The following TTC13 variants were observed in gnomAD, a reference collection of about 807,000 sequenced individuals.
The protein encoded by TTC13 is tetratricopeptide repeat domain 13, also known as tetratricopeptide repeat protein 13.
In TTC13, 62 loss-of-function variants were observed where a neutral mutation model predicts 120.0. The ratio of observed to expected loss-of-function variants is 0.52; its 90% CI spans 0.42 to 0.64. TTC13 has a LOEUF of 0.64. Among genes scored for constraint, TTC13 ranks in the 30% least tolerant of loss-of-function variants. The pLI is 0.00. For synonymous variants in TTC13, 384 were observed against 393.5 expected (o/e 0.98, Z 0.28); for missense variants, 824 against 1,050.2 (o/e 0.78, Z 2.98).
intron 2 of TTC13, among the ~76,000 whole-genome samples, chr1:230,958,674 CA>C (rs1364884425): frequency 2.0e-5 from 3 of 152,182 alleles, no homozygotes; most frequent in Admixed American, 6.5e-5. Flanking sequence ...TTCACAGATG[CA>C]AAAGATTTTT....
chr1:230,970,291 G>A (rs1269247767), intron 1 of TTC13, among the ~76,000 whole-genome samples: 1 of 152,218 alleles, frequency 6.6e-6, no homozygotes, highest in African/African-American at 2.4e-5. Flanking sequence ...ACCATAGAAG[G>A]TCCAAGAGAG....
At position 230,929,322 on chromosome 1, in the gene TTC13, A is replaced by ATT. The variant is rs66812339; in HGVS notation, c.1301-231_1301-230dup. ...GTCAGTCTGGGTCTACTTTGGCTAC[A>ATT]TTTTTTTTTTTTGAGACGGAGTCTT... On this transcript the variant is annotated intron_variant, in intron 11 of 22. Transcript: ENST00000366661. 4.4e-4 allele frequency among the ~76,000 whole-genome samples: 63 copies of ATT among 144,450 alleles called. 2 individuals carry two copies. In the East Asian group the frequency reaches 5.3e-3, roughly 12 times the overall value. 94.8% of individuals were successfully genotyped at this position (144,450 alleles called of 152,430 possible). A position where few individuals can be genotyped will look rare whatever the true frequency, so the allele number is the denominator to read the frequency against.
chr1:230,978,819 G>A lies in TTC13; in HGVS notation c.12C>T (p.Ala4=), dbSNP rs959527450. The A allele has an allele frequency of 6.7e-6, 10 of 1,482,680 alleles. No homozygotes were observed. The highest frequency in any genetic ancestry group is 5.4e-5 in the East Asian group (2 of 36,822). The allele number at this position is 1,482,680 out of a possible 1,614,324, so 91.8% of individuals were successfully genotyped here. A position where few individuals can be genotyped will look rare whatever the true frequency, so the allele number is the denominator to read the frequency against. ...AGAAGCAGCAGCAGCAGCAGCAGCCGGCAGGTGCCATCTTCCCTCAAGGCG... is the reference window on the plus strand; with the variant it reads ...AGAAGCAGCAGCAGCAGCAGCAGCCAGCAGGTGCCATCTTCCCTCAAGGCG... MAP[A]GCCCCCCFWG... Residue 4 remains alanine, a synonymous_variant, in exon 1 of 23, where the codon GCC becomes GCT. Coordinates refer to ENST00000366661, the MANE Select transcript of TTC13 (RefSeq NM_024525.5). This position sits in a 1 kb window ranked among gnomAD's most constrained non-coding sequence, Gnocchi z 5.6.
chr1:230,977,462 A>G (rs536867994), intron 1 of TTC13, among the ~76,000 whole-genome samples: 5 of 152,324 alleles, frequency 3.3e-5, no homozygotes, highest in African/African-American at 1.2e-4. Context: ...TTACGCCGTT[A>G]CCAGCTAAGG....
intron 1 of TTC13, among the ~76,000 whole-genome samples, chr1:230,973,815 C>T (rs112523234): frequency 0.042 from 6,457 of 152,186 alleles, 367 homozygotes; most frequent in African/African-American, 0.13. Flanking sequence ...TGGTGGCTCA[C>T]GCCTGTAATT....
At chr1:230,954,298 A>G in intron 4 of TTC13, 35 bp downstream of exon 4, 1 of 1,519,540 alleles carries the variant, frequency 6.6e-7, no homozygotes. Context: ...TCATGACCAT[A>G]AACTCAAAAT....
intron 4 of TTC13, among the ~76,000 whole-genome samples, chr1:230,946,699 C>T (rs752414457): frequency 1.3e-5 from 2 of 152,208 alleles, no homozygotes; most frequent in Non-Finnish European, 2.9e-5. Context: ...TAAGCACTGG[C>T]TGTCTCTATA....
intron 2 of TTC13, 112 bp downstream of exon 2, chr1:230,961,097 T>C (rs1036277407): frequency 1.3e-5 from 9 of 712,790 alleles, no homozygotes; most frequent in African/African-American, 7.1e-5. Flanking sequence ...ATCCTATGCA[T>C]GTAGACTCAA....
At chr1:230,967,503 G>C (rs1011750562) in intron 1 of TTC13, among the ~76,000 whole-genome samples, 5 of 151,558 alleles carry the variant, frequency 3.3e-5, no homozygotes, top group African/African-American at 1.2e-4. Context: ...TTTCTCCTTT[G>C]GCCTATTAAC....
chr1:230,958,548 T>C (rs6541243), intron 2 of TTC13, among the ~76,000 whole-genome samples: 106,734 of 152,074 alleles, frequency 0.7, 38,017 homozygotes, highest in African/African-American at 0.83. Flanking sequence ...ACCTGGAACC[T>C]GGTAAAGCTT....
In TTC13 at chr1:230,978,809, A is replaced by T. The variant is rs768291169; in HGVS notation, c.22T>A (p.Cys8Ser). Residue 8 changes from cysteine to serine, a missense_variant, in exon 1 of 23, where the codon TGC becomes AGC. Around this residue, in one of 4 missense-constraint regions of TTC13, gnomAD observed 160 missense variants for 137.2 expected, o/e 1.17. Coordinates refer to ENST00000366661, the MANE Select transcript of TTC13 (RefSeq NM_024525.5). This position sits in a 1 kb window ranked among gnomAD's most constrained non-coding sequence, Gnocchi z 5.6. ...GCGCCGCCCCAGAAGCAGCAGCAGC[A>T]GCAGCAGCCGGCAGGTGCCATCTTC... is the stretch of plus-strand genomic sequence containing the variant. MAPAGCCCCCCFWGGAVA... is the reference protein window; with the variant it reads MAPAGCCSCCCFWGGAVA... The T allele has an allele frequency of 4.7e-6, 7 of 1,493,230 alleles. No individual in the cohort carries two copies. Among genetic ancestry groups the T allele is most frequent in the Middle Eastern group, 2.4e-4 (1 of 4,230 alleles). 92.5% of individuals were successfully genotyped at this position (1,493,230 alleles called of 1,614,324 possible). A position where few individuals can be genotyped will look rare whatever the true frequency, so the allele number is the denominator to read the frequency against.
chr1:230,958,621 C>T lies in TTC13; in HGVS notation c.367-322G>A, dbSNP rs150641319. On this transcript the variant is annotated intron_variant, in intron 2 of 22. Transcript: ENST00000366661. ...CTGATGATATACAGCTGGGTGTGAC[C>T]AGAACATGAGCCCTTCCTCTTTGTC... is the stretch of plus-strand genomic sequence containing the variant. Among the ~76,000 whole-genome samples the T allele has an allele frequency of 1.3e-4, 20 of 152,294 alleles. No homozygotes were observed. The East Asian group carries it at 3.9e-3, about 29-fold the overall frequency.
chr1:230,938,271 T>C (rs2102867861), intron 8 of TTC13, among the ~76,000 whole-genome samples: 1 of 152,344 alleles, frequency 6.6e-6, no homozygotes. Context: ...GGCCCGTCTG[T>C]CTTCCATCAG....
At chr1:230,933,308 C>T (rs1033665954) in intron 9 of TTC13, among the ~76,000 whole-genome samples, 1 of 151,918 alleles carries the variant, frequency 6.6e-6, no homozygotes, top group Non-Finnish European at 1.5e-5. Context: ...GTCACAATGG[C>T]TCTAATCATC....
Position 230,908,967 on chromosome 1 carries a change from A to G in TTC13, c.2363T>C (p.Val788Ala). Residue 788 changes from valine (V) to alanine (A), a missense_variant, in exon 21 of 23, where the codon GTA becomes GCA. Physicochemically the swap from Val to Ala is moderately conservative, Grantham distance 64. Around this residue, in one of 4 missense-constraint regions of TTC13, gnomAD observed 226 missense variants for 259.1 expected, o/e 0.87. Coordinates refer to ENST00000366661, the MANE Select transcript of TTC13 (RefSeq NM_024525.5). ...VGALMASGKE[V>A]AGKIPKGKLV... Reference sequence around the variant, plus strand: ...CTTCCCTTTGGGAATTTTTCCTGCTACTTCTTTTCCACTTGCCATCAGTGC... The same window carrying G: ...CTTCCCTTTGGGAATTTTTCCTGCTGCTTCTTTTCCACTTGCCATCAGTGC... The G allele has an allele frequency of 6.2e-7, 1 of 1,614,132 alleles. No homozygotes were observed. The highest frequency in any genetic ancestry group is 8.5e-7 in the Non-Finnish European group (1 of 1,180,010).
chr1:230,952,207 A>T (rs1376977231), intron 4 of TTC13, among the ~76,000 whole-genome samples: 2 of 152,190 alleles, frequency 1.3e-5, no homozygotes, highest in Non-Finnish European at 2.9e-5. Flanking sequence ...AAAATGTGAC[A>T]GATTTTCACA....
intron 6 of TTC13, among the ~76,000 whole-genome samples, chr1:230,941,164 A>G (rs1674504041): frequency 6.6e-6 from 1 of 152,274 alleles, no homozygotes; most frequent in Admixed American, 6.5e-5. Context: ...TTCAGGCAAC[A>G]TGAAAATATA....
Position 230,906,936 on chromosome 1 carries a change from T to C in TTC13, c.2552A>G (p.Asp851Gly). 1 of 1,530,780 alleles carries C rather than the reference T, an allele frequency of 6.5e-7. No individual in the cohort carries two copies. Among genetic ancestry groups the C allele is most frequent in the Non-Finnish European group, 8.7e-7 (1 of 1,146,458 alleles). 94.8% of individuals were successfully genotyped at this position (1,530,780 alleles called of 1,614,324 possible). Residue 851 changes from aspartate to glycine, a missense_variant, in exon 23 of 23, where the codon GAC becomes GGC. Coordinates refer to ENST00000366661, the MANE Select transcript of TTC13 (RefSeq NM_024525.5). ...TTTCTTAAGACAACGTGGAGAAGAG[T>C]CTGTGTTTAGCACCTCAATCATCGA... is the stretch of plus-strand genomic sequence containing the variant. ...LRSMIEVLNT[D>G]SSPRCLKKL
rs1394991647 is a variant in TTC13 at position 230,931,415 on chromosome 1, G to A, written c.1183C>T (p.His395Tyr). The change falls in exon 11 of 23, where the codon CAT becomes TAT. Residue 395 changes from histidine to tyrosine, a missense_variant. Around this residue, in one of 4 missense-constraint regions of TTC13, gnomAD observed 430 missense variants for 626.8 expected, o/e 0.69. Transcript: ENST00000366661. ...EVCQYMKGLSHVAMGQFYEGI... is the reference protein window; with the variant it reads ...EVCQYMKGLSYVAMGQFYEGI... ...TCATAAAACTGTCCCATGGCAACAT[G>A]GCTGAGCCCTTTCATATACTGGCAC... is the stretch of plus-strand genomic sequence containing the variant. 6.2e-7 allele frequency: 1 copy of A among 1,614,160 alleles called. No individual in the cohort carries two copies. Among genetic ancestry groups the A allele is most frequent in the Admixed American group, 1.7e-5 (1 of 60,026 alleles).
Sources: allele counts gnomAD v4.1 joint callset (sites outside exome capture counted in the v4.1 genomes callset), GRCh38; gene constraint gnomAD v4.1.1; regional missense constraint gnomAD v4.1.1; non-coding constraint Gnocchi (gnomAD v3.1); transcripts MANE v1.5; gene names NCBI Gene and HGNC (gene_info 2026-07-23, HGNC 2026-07-21).